The following ATP2B2 variants were observed in gnomAD, a reference collection of about 807,000 sequenced individuals.
ATP2B2 encodes the protein ATPase plasma membrane Ca2+ transporting 2, also known as plasma membrane calcium-transporting ATPase 2.
Under a neutral mutation model 120.0 loss-of-function variants are expected in ATP2B2, and 15 were observed. The ratio of observed to expected loss-of-function variants is 0.12; its 90% CI spans 0.08 to 0.19. ATP2B2 has a LOEUF of 0.19. Ranked by LOEUF, ATP2B2 falls within the 10% of genes least tolerant of loss-of-function variation. The pLI, the probability that ATP2B2 is intolerant of heterozygous loss-of-function variation, is 1.00. For missense variants in ATP2B2, 1,045 were observed against 1,719.8 expected (o/e 0.61, Z 6.94); for synonymous variants, 694 against 700.3 (o/e 0.99, Z 0.14).
At chr3:10,522,120 T>A (rs2066995821) in intron 3 of ATP2B2, among the ~76,000 whole-genome samples, 1 of 152,170 alleles carries the variant, frequency 6.6e-6, no homozygotes, top group East Asian at 1.9e-4. Context: ...TTTTTATTTT[T>A]AAAAATGTAT....
At chr3:10,509,951 G>A (rs746782866), upstream of ATP2B2, among the ~76,000 whole-genome samples, 6 of 152,132 alleles carry the variant, frequency 3.9e-5, no homozygotes, top group Non-Finnish European at 4.4e-5. Context: ...CCTATTTGGC[G>A]GGGTTGCAAG....
chr3:10,437,829 G>T (rs770158216), intron 2 of ATP2B2, among the ~76,000 whole-genome samples: 1 of 152,176 alleles, frequency 6.6e-6, no homozygotes, highest in Non-Finnish European at 1.5e-5. Flanking sequence ...AGGCCATTAG[G>T]GTGGGCCTAA....
chr3:10,592,054 T>G (rs559187539), intron 2 of ATP2B2, among the ~76,000 whole-genome samples: 3 of 152,246 alleles, frequency 2.0e-5, no homozygotes, highest in African/African-American at 7.2e-5. Flanking sequence ...CCTGCACTGG[T>G]CCAGGGCTCA....
At chr3:10,349,363 G>A (rs1371911468) in intron 16 of ATP2B2, among the ~76,000 whole-genome samples, 1 of 152,214 alleles carries the variant, frequency 6.6e-6, no homozygotes, top group African/African-American at 2.4e-5. Flanking sequence ...GCTGAGGCAG[G>A]AGGATGGCTT....
chr3:10,454,330 G>T (rs558800966), intron 1 of ATP2B2, among the ~76,000 whole-genome samples: 2 of 152,174 alleles, frequency 1.3e-5, no homozygotes, highest in East Asian at 3.9e-4. Flanking sequence ...TTTTCTTCAG[G>T]TAAAGAAGGA....
chr3:10,572,672 A>G (rs1343558460), intron 2 of ATP2B2, among the ~76,000 whole-genome samples: 1 of 152,130 alleles, frequency 6.6e-6, no homozygotes, highest in Admixed American at 6.5e-5. Context: ...TTCTGGAATG[A>G]TGGTGCCTGC....
chr3:10,333,023 C>A (rs2060022542), intron 22 of ATP2B2, among the ~76,000 whole-genome samples: 1 of 152,186 alleles, frequency 6.6e-6, no homozygotes, highest in Non-Finnish European at 1.5e-5. Context: ...TGCCTTGTGA[C>A]TGCGGTCAGG....
At chr3:10,366,161 C>T (rs556403403) in intron 12 of ATP2B2, among the ~76,000 whole-genome samples, 2 of 152,120 alleles carry the variant, frequency 1.3e-5, no homozygotes, top group Non-Finnish European at 2.9e-5. Flanking sequence ...CTTAGGGGGA[C>T]TTTGAGGCTC....
Position 10,402,517 on chromosome 3 carries a change from G to A in ATP2B2, c.398-169C>T, listed in dbSNP as rs1287352424. Among the ~76,000 whole-genome samples, 8 of 152,258 alleles carry A rather than the reference G, an allele frequency of 5.3e-5. No homozygotes were observed. The highest frequency in any genetic ancestry group is 1.9e-4 in the East Asian group (1 of 5,204). ...CCAAGCCCTGTGGAAAGTGCTTCAC[G>A]CAGATCATCTCACAGGGTATTCCCG... On this transcript the variant is annotated intron_variant, in intron 3 of 22. Coordinates refer to ENST00000360273, the MANE Select transcript of ATP2B2 (RefSeq NM_001001331.4). This position sits in a 1 kb window ranked among gnomAD's most constrained non-coding sequence, Gnocchi z 4.9.
chr3:10,454,202 T>C (rs1278106456), intron 1 of ATP2B2, among the ~76,000 whole-genome samples: 1 of 152,168 alleles, frequency 6.6e-6, no homozygotes, highest in Non-Finnish European at 1.5e-5. Flanking sequence ...TTTCTATGAC[T>C]TGAAGAGTTT....
At chr3:10,469,941 C>G (rs938247386) in intron 1 of ATP2B2, among the ~76,000 whole-genome samples, 1 of 152,054 alleles carries the variant, frequency 6.6e-6, no homozygotes, top group Non-Finnish European at 1.5e-5. Context: ...TCACACCAAG[C>G]TCAGATTTCA....
intron 22 of ATP2B2, among the ~76,000 whole-genome samples, chr3:10,330,627 C>T (rs984681581): frequency 7.9e-5 from 12 of 152,250 alleles, no homozygotes; most frequent in African/African-American, 2.9e-4. Context: ...GCAGTGGCTG[C>T]CCTGCACCAC....
At chr3:10,700,774 C>T (rs2071804732) in intron 1 of ATP2B2, among the ~76,000 whole-genome samples, 1 of 152,244 alleles carries the variant, frequency 6.6e-6, no homozygotes, top group South Asian at 2.1e-4. Context: ...ACTGATGCTA[C>T]ATGTCCATCA....
intron 1 of ATP2B2, among the ~76,000 whole-genome samples, chr3:10,690,438 ATC>A (rs1457415497): frequency 4.1e-4 from 61 of 147,294 alleles, no homozygotes; most frequent in African/African-American, 1.6e-3. Flanking sequence ...ATCTATATCT[ATC>A]TATCTATCTA....
At position 10,328,692 on chromosome 3, in the gene ATP2B2, T is replaced by G. The variant is rs2059903932; in HGVS notation, c.*122A>C. The G allele has an allele frequency of 1.9e-6, 2 of 1,038,578 alleles. No homozygotes were observed. The highest frequency in any genetic ancestry group is 2.7e-6 in the Non-Finnish European group (2 of 728,302). 64.3% of individuals were successfully genotyped at this position (1,038,578 alleles called of 1,614,324 possible). ...GGAAACGTTGGTTTTCTCTCCAGTA[T>G]TTGGTTTCCGATTGTTGCTCGTTGC... On this transcript the variant is annotated 3_prime_UTR_variant, in exon 23 of 23. Transcript: ENST00000360273.
intron 1 of ATP2B2, among the ~76,000 whole-genome samples, chr3:10,706,582 G>C (rs542708375): frequency 7.9e-5 from 12 of 152,330 alleles, no homozygotes; most frequent in African/African-American, 2.9e-4. Flanking sequence ...CCCACACAGA[G>C]AAGAGGAAGG....
intron 1 of ATP2B2, among the ~76,000 whole-genome samples, chr3:10,498,397 G>A (rs1313566191): frequency 6.6e-6 from 1 of 152,258 alleles, no homozygotes; most frequent in Non-Finnish European, 1.5e-5. Flanking sequence ...GGATCAGTGA[G>A]CTGGAGGCCA....
chr3:10,637,058 G>A (rs1485514341), intron 1 of ATP2B2, among the ~76,000 whole-genome samples: 2 of 152,198 alleles, frequency 1.3e-5, no homozygotes, highest in East Asian at 3.8e-4. Context: ...GTTGAGTTGA[G>A]TATTCAGAAG....
At chr3:10,338,102 C>T in intron 22 of ATP2B2, 74 bp downstream of exon 22, 2 of 1,596,526 alleles carry the variant, frequency 1.3e-6, no homozygotes, top group Non-Finnish European at 1.7e-6. Context: ...TGGGGGGCAG[C>T]ACAAGCACAC....
Sources: allele counts gnomAD v4.1 joint callset (sites outside exome capture counted in the v4.1 genomes callset), GRCh38; gene constraint gnomAD v4.1.1; non-coding constraint Gnocchi (gnomAD v3.1); transcripts MANE v1.5; gene names NCBI Gene and HGNC (gene_info 2026-07-23, HGNC 2026-07-21).